PLCG2: variants seen among roughly 807,000 people sequenced by gnomAD.
PLCG2 encodes the protein 1-phosphatidylinositol 4,5-bisphosphate phosphodiesterase gamma-2.
In PLCG2, 69 loss-of-function variants were observed where a neutral mutation model predicts 175.6. The ratio of observed to expected loss-of-function variants is 0.39; its 90% confidence interval spans 0.32 to 0.48. The LOEUF (loss-of-function observed/expected upper bound fraction) is 0.48, where lower values mean the gene tolerates loss of function less well. Ranked by LOEUF, PLCG2 falls within the 20% of genes least tolerant of loss-of-function variation. The pLI is 0.91. For synonymous variants in PLCG2, 827 were observed against 624.0 expected, an observed-to-expected ratio of 1.33 and a Z score of -4.85; for missense variants, 1,798 against 1,650.9, an observed-to-expected ratio of 1.09 and a Z score of -1.54.
intron 15 of PLCG2, among the ~76,000 whole-genome samples, chr16:81,905,753 G>T (rs1029500029): frequency 2.0e-5 from 3 of 152,128 alleles, no homozygotes; most frequent in Non-Finnish European, 4.4e-5. Context: ...TGACCTCCCA[G>T]GCTCAAGTGA....
At chr16:81,817,580 C>T (rs937762714) in intron 2 of PLCG2, among the ~76,000 whole-genome samples, 2 of 152,164 alleles carry the variant, frequency 1.3e-5, no homozygotes, top group African/African-American at 4.8e-5. Context: ...TGCACCTGGC[C>T]TTCCAGAAGA....
At chr16:81,799,810 G>A (rs551145542) in intron 2 of PLCG2, among the ~76,000 whole-genome samples, 4 of 150,492 alleles carry the variant, frequency 2.7e-5, no homozygotes, top group Non-Finnish European at 5.9e-5. Context: ...AGCCAGGATG[G>A]TCTCGATCTC....
rs1910946341 is a variant in PLCG2 at position 81,785,882 on chromosome 16, C to A, written c.-47-61C>A. 6 of 1,035,994 alleles carry A rather than the reference C, an allele frequency of 5.8e-6. No homozygotes were observed. In the South Asian group the frequency reaches 9.1e-5, roughly 16 times the overall value. 64.2% of individuals were successfully genotyped at this position (1,035,994 alleles called of 1,614,324 possible). A position where few individuals can be genotyped will look rare whatever the true frequency, so the allele number is the denominator to read the frequency against. On this transcript the variant is annotated intron_variant, in intron 1 of 32. Coordinates refer to ENST00000564138, the MANE Select transcript of PLCG2 (RefSeq NM_002661.5). The stretch of plus-strand genomic sequence containing the variant: ...GGATTTTGGTTCCTGAAGTTCATGC[C>A]CTGTTAACTAAACCCCTTTCAGTAC...
At chr16:81,826,036 T>C (rs1905031777) in intron 2 of PLCG2, among the ~76,000 whole-genome samples, 1 of 152,172 alleles carries the variant, frequency 6.6e-6, no homozygotes, top group African/African-American at 2.4e-5. Flanking sequence ...GGGTATCTAG[T>C]AAATATTTCA....
Position 81,869,248 on chromosome 16 carries a change from CT to C in PLCG2, c.515del (p.Leu172ArgfsTer6). 1 of 1,614,036 alleles carries C rather than the reference CT, an allele frequency of 6.2e-7. No individual in the cohort carries two copies. The highest frequency in any genetic ancestry group is 8.5e-7 in the Non-Finnish European group (1 of 1,179,892). On this transcript the variant is annotated frameshift_variant, in exon 6 of 33. Coordinates refer to ENST00000564138, the MANE Select transcript of PLCG2 (RefSeq NM_002661.5). LOFTEE classifies it high-confidence loss of function. Reference sequence around the variant, plus strand: ...CCGAGAGTTGAAGACCATCTTGCCCCTGATCAACTTTAAAGTGAGCAGTGCC... The same window carrying C: ...CCGAGAGTTGAAGACCATCTTGCCCCGATCAACTTTAAAGTGAGCAGTGCC... ...SLRELKTILP[L>X]INFKVSSAKF...
Position 81,853,036 on chromosome 16 carries a change from G to A in PLCG2, c.194-1408G>A, listed in dbSNP as rs187727381. On this transcript the variant is annotated intron_variant, in intron 2 of 32. Transcript: ENST00000564138. ...AATGGAAGGTACCAGGCCTTCTTAAGTATTAGGCCCCAGGCTGGGCCCGCT... is the reference window on the plus strand; with the variant it reads ...AATGGAAGGTACCAGGCCTTCTTAAATATTAGGCCCCAGGCTGGGCCCGCT... Among the ~76,000 whole-genome samples the A allele has an allele frequency of 9.0e-3, 1,377 of 152,264 alleles. 19 individuals are homozygous for A. The highest frequency in any genetic ancestry group is 0.031 in the African/African-American group (1,288 of 41,560).
chr16:81,772,965 A>G (rs1210886234), intron 2 of PLCG2, among the ~76,000 whole-genome samples: 1 of 152,184 alleles, frequency 6.6e-6, no homozygotes, highest in African/African-American at 2.4e-5. Flanking sequence ...CCTGCCTGAC[A>G]CCATCTCCCC....
intron 31 of PLCG2, among the ~76,000 whole-genome samples, chr16:81,950,216 C>G (rs1235972954): frequency 1.3e-5 from 2 of 152,022 alleles, no homozygotes; most frequent in African/African-American, 2.4e-5. Flanking sequence ...AACAAGAGGC[C>G]TAAAGGCAAG....
intron 19 of PLCG2, 112 bp from the exon 20 acceptor site, chr16:81,919,372 C>G (rs901798716): frequency 1.2e-5 from 9 of 756,528 alleles, no homozygotes; most frequent in Non-Finnish European, 2.1e-5. Flanking sequence ...TGTTTATTTA[C>G]CCACTTCTCT....
chr16:81,761,671 G>C (rs148954011), intron 2 of PLCG2, among the ~76,000 whole-genome samples: 134 of 152,150 alleles, frequency 8.8e-4, no homozygotes, highest in African/African-American at 3.2e-3. Flanking sequence ...CAGACATAAG[G>C]CTTAGAACCA....
chr16:81,752,034 TA>T (rs142921258), intron 1 of PLCG2, among the ~76,000 whole-genome samples: 2,665 of 150,690 alleles, frequency 0.018, 34 homozygotes, highest in Middle Eastern at 0.035. Flanking sequence ...AAAATAAATA[TA>T]AAAAAAATAT....
chr16:81,866,619 G>A lies in PLCG2; in HGVS notation c.480-2595G>A, dbSNP rs1907250616. Among the ~76,000 whole-genome samples, 2 of 101,436 alleles carry A rather than the reference G, an allele frequency of 2.0e-5. 1 individual carries two copies. The allele number at this position is 101,436 out of a possible 152,430, so 66.5% of individuals were successfully genotyped here. Reference sequence around the variant, plus strand: ...CTCCACTGGGGCACTAGCATGAGAGGATGCTGGCCTCTCCCTTGCTCCCAG... The same window carrying A: ...CTCCACTGGGGCACTAGCATGAGAGAATGCTGGCCTCTCCCTTGCTCCCAG... On this transcript the variant is annotated intron_variant, in intron 5 of 32. Coordinates refer to ENST00000564138, the MANE Select transcript of PLCG2 (RefSeq NM_002661.5).
At chr16:81,893,676 C>G (rs1277354057) in intron 11 of PLCG2, 33 bp from the exon 12 acceptor site, 1 of 1,425,762 alleles carries the variant, frequency 7.0e-7, no homozygotes, top group African/African-American at 1.4e-5. Context: ...GTGGCTGCCA[C>G]TCTCACACGG....
chr16:81,891,465 CT>C lies in PLCG2; in HGVS notation c.868-3del. 1 of 1,476,840 alleles carries C rather than the reference CT, an allele frequency of 6.8e-7. No individual in the cohort carries two copies. Among genetic ancestry groups the C allele is most frequent in the Non-Finnish European group, 9.5e-7 (1 of 1,054,582 alleles). The allele number at this position is 1,476,840 out of a possible 1,614,324, so 91.5% of individuals were successfully genotyped here. A position where few individuals can be genotyped will look rare whatever the true frequency, so the allele number is the denominator to read the frequency against. Reference sequence around the variant, plus strand: ...GATGATTCGGTCTTCGTGTTTGACTCTTTTAGTTCCTCACGTACCTGTTTTC... The same window carrying C: ...GATGATTCGGTCTTCGTGTTTGACTCTTTAGTTCCTCACGTACCTGTTTTC... On this transcript the variant is annotated splice_region_variant and splice_polypyrimidine_tract_variant and intron_variant, in intron 10 of 32. Coordinates refer to ENST00000564138, the MANE Select transcript of PLCG2 (RefSeq NM_002661.5).
chr16:81,798,944 G>T (rs1449855449), intron 2 of PLCG2: 1 of 152,434 alleles, frequency 6.6e-6, no homozygotes, highest in Admixed American at 6.5e-5. Context: ...TCCCTGGCCT[G>T]CCACCAGCCT....
intron 1 of PLCG2, among the ~76,000 whole-genome samples, chr16:81,755,291 G>C (rs1909898485): frequency 6.6e-6 from 1 of 151,916 alleles, no homozygotes; most frequent in African/African-American, 2.4e-5. Flanking sequence ...TGACCTCCTG[G>C]GCTCAAGTGA....
chr16:81,796,715 A>G (rs1339204172), intron 2 of PLCG2, among the ~76,000 whole-genome samples: 1 of 152,210 alleles, frequency 6.6e-6, no homozygotes, highest in Non-Finnish European at 1.5e-5. Context: ...CAGGGAGAGA[A>G]GGCCATGTGA....
At chr16:81,742,410 C>T (rs557784319) in intron 1 of PLCG2, among the ~76,000 whole-genome samples, 1 of 152,206 alleles carries the variant, frequency 6.6e-6, no homozygotes. Flanking sequence ...CTGTGTATGA[C>T]TCTAAGAGTG....
chr16:81,797,122 A>G (rs1911504624), intron 2 of PLCG2, among the ~76,000 whole-genome samples: 1 of 152,172 alleles, frequency 6.6e-6, no homozygotes, highest in African/African-American at 2.4e-5. Context: ...GTAGTGGGTA[A>G]ACGAGGGAGG....
Sources: gnomAD v4.1 joint callset for allele counts (sites outside exome capture counted in the v4.1 genomes callset) on GRCh38, gnomAD v4.1.1 for gene constraint, MANE v1.5 for transcripts, NCBI Gene and HGNC (gene_info 2026-07-23, HGNC 2026-07-21) for gene names.